CA5A: variants seen among roughly 807,000 people sequenced by gnomAD.
The protein encoded by CA5A is carbonic anhydrase 5A.
In CA5A, 28 loss-of-function variants were observed where a neutral mutation model predicts 37.1. That is an observed-to-expected ratio of 0.75 (90% CI 0.56 to 1.03). The LOEUF is 1.03. CA5A is among the 50% of genes least tolerant of loss of function. The probability of loss-of-function intolerance (pLI) is 0.00; values close to 1 mark genes in which losing one functional copy is unlikely to be tolerated. For missense variants in CA5A, 444 were observed against 399.9 expected, an observed-to-expected ratio of 1.11 and a Z score of -0.94; for synonymous variants, 171 against 158.4, an observed-to-expected ratio of 1.08 and a Z score of -0.60.
In CA5A at chr16:87,902,436, C is replaced by G. The variant is rs149854962; in HGVS notation, c.544G>C (p.Val182Leu). Residue 182 changes from valine (V) to leucine (L), a missense_variant, in exon 4 of 7, where the codon GTG becomes CTG. Physicochemically the swap from Val to Leu is conservative, Grantham distance 32. Coordinates refer to ENST00000649794, the MANE Select transcript of CA5A (RefSeq NM_001739.2). ...GAGCAAGTGATTACCTTTAAAAACA[C>G]GCCTATCACAGCCAAACCATTCTCT... is the stretch of plus-strand genomic sequence containing the variant. ...VGENGLAVIGVFLKLGAHHQT... is the reference protein window; with the variant it reads ...VGENGLAVIGLFLKLGAHHQT... The G allele has an allele frequency of 1.2e-6, 2 of 1,606,678 alleles. No homozygotes were observed. The highest frequency in any genetic ancestry group is 1.3e-5 in the African/African-American group (1 of 74,756).
At chr16:87,927,465 G>A (rs192347265) in intron 1 of CA5A, among the ~76,000 whole-genome samples, 347 of 152,360 alleles carry the variant, frequency 2.3e-3, no homozygotes, top group South Asian at 6.4e-3. Flanking sequence ...TGAGACCCCA[G>A]TGTGGAGAAA....
At chr16:87,929,680 G>T (rs529203717) in intron 1 of CA5A, among the ~76,000 whole-genome samples, 2 of 151,466 alleles carry the variant, frequency 1.3e-5, no homozygotes, top group East Asian at 3.9e-4. Flanking sequence ...AGACCATCCT[G>T]GCTAACACCG....
At chr16:87,927,298 C>T (rs1040798719) in intron 1 of CA5A, among the ~76,000 whole-genome samples, 4 of 152,016 alleles carry the variant, frequency 2.6e-5, no homozygotes, top group Non-Finnish European at 4.4e-5. Context: ...TGGAGGAGGG[C>T]GCTGTGGGGA....
At chr16:87,899,690 T>C (rs1233184690) in intron 5 of CA5A, among the ~76,000 whole-genome samples, 11 of 149,476 alleles carry the variant, frequency 7.4e-5, no homozygotes, top group Admixed American at 3.3e-4. Flanking sequence ...GAGGCCAAGG[T>C]GGGCAGATCA....
At chr16:87,903,812 AGTG>A (rs2055916575) in intron 3 of CA5A, among the ~76,000 whole-genome samples, 1 of 152,228 alleles carries the variant, frequency 6.6e-6, no homozygotes, top group Non-Finnish European at 1.5e-5. Flanking sequence ...GGTGTGATAA[AGTG>A]AATATGGCAA....
In CA5A at chr16:87,914,447, C is replaced by T. The variant is rs571326447; in HGVS notation, c.341-9543G>A. On this transcript the variant is annotated intron_variant, in intron 2 of 6. Transcript: ENST00000649794. ...CACGCGGCGGGTGCAGATGCGGACC[C>T]CCAGCCCCACGAGCTTGCAGTGCCG... is the stretch of plus-strand genomic sequence containing the variant. 5.9e-5 allele frequency among the ~76,000 whole-genome samples: 9 copies of T among 152,336 alleles called. No individual in the cohort carries two copies. The South Asian group carries it at 1.9e-3, about 32-fold the overall frequency.
At chr16:87,915,856 T>C (rs1022815006) in intron 2 of CA5A, among the ~76,000 whole-genome samples, 1 of 151,972 alleles carries the variant, frequency 6.6e-6, no homozygotes, top group Non-Finnish European at 1.5e-5. Flanking sequence ...TAACATTTAA[T>C]AAGAAACAAC....
chr16:87,891,143 GA>G (rs113142837), intron 6 of CA5A, among the ~76,000 whole-genome samples: 42,050 of 142,570 alleles, frequency 0.29, 6,127 homozygotes, highest in Middle Eastern at 0.38. Context: ...ATTAATTTTC[GA>G]AAAAAAAAAA....
At chr16:87,928,434 A>G (rs1164852325) in intron 1 of CA5A, among the ~76,000 whole-genome samples, 1 of 152,190 alleles carries the variant, frequency 6.6e-6, no homozygotes, top group Non-Finnish European at 1.5e-5. Context: ...TGAGGCAGGC[A>G]TCTCCCAAAG....
chr16:87,923,078 C>T (rs979554060), intron 2 of CA5A, among the ~76,000 whole-genome samples: 9 of 152,264 alleles, frequency 5.9e-5, no homozygotes, highest in African/African-American at 1.7e-4. Flanking sequence ...AGGTCACTCA[C>T]CCTTGGCAGT....
At chr16:87,917,028 C>T (rs1170978801) in intron 2 of CA5A, among the ~76,000 whole-genome samples, 29 of 151,038 alleles carry the variant, frequency 1.9e-4, no homozygotes, top group Non-Finnish European at 1.5e-5. Flanking sequence ...TGGTGTGAAC[C>T]CGGGAGGCGG....
At chr16:87,923,152 G>T (rs1038123543) in intron 2 of CA5A, among the ~76,000 whole-genome samples, 1 of 152,158 alleles carries the variant, frequency 6.6e-6, no homozygotes, top group African/African-American at 2.4e-5. Context: ...ACTCTCTCTA[G>T]TGGCTTCTGT....
chr16:87,891,871 G>A lies in CA5A; in HGVS notation c.702C>T (p.Leu234=). Residue 234 remains leucine, a synonymous_variant, in exon 6 of 7, where the codon CTC becomes CTT. Coordinates refer to ENST00000649794, the MANE Select transcript of CA5A (RefSeq NM_001739.2). ...CWDYWTYAGS[L]TTPPLTESVT... ...CCGACTCGGTCAGCGGCGGGGTGGT[G>A]AGCGAGCCCGCGTAGGTCCAGTAAT... is the stretch of plus-strand genomic sequence containing the variant. The A allele has an allele frequency of 2.5e-6, 4 of 1,575,518 alleles. No homozygotes were observed. The highest frequency in any genetic ancestry group is 3.4e-6 in the Non-Finnish European group (4 of 1,162,702).
intron 6 of CA5A, among the ~76,000 whole-genome samples, chr16:87,889,722 G>T (rs2055686322): frequency 6.6e-6 from 1 of 151,838 alleles, no homozygotes; most frequent in Non-Finnish European, 1.5e-5. Context: ...TGGTGAGCGA[G>T]ATCACGCCAT....
chr16:87,931,598 T>C (rs1342276067), intron 1 of CA5A, among the ~76,000 whole-genome samples: 1 of 152,202 alleles, frequency 6.6e-6, no homozygotes, highest in East Asian at 1.9e-4. Context: ...GCAGCTTTGC[T>C]GAGAAGATAA....
intron 6 of CA5A, among the ~76,000 whole-genome samples, chr16:87,889,050 G>A (rs1184268297): frequency 6.6e-6 from 1 of 151,990 alleles, no homozygotes. Flanking sequence ...CTCCTGAGTA[G>A]CTGGGCTTAC....
chr16:87,934,053 C>T (rs1367381706), intron 1 of CA5A, among the ~76,000 whole-genome samples: 12 of 152,360 alleles, frequency 7.9e-5, no homozygotes, highest in Admixed American at 3.9e-4. Flanking sequence ...ACCTGCTGCC[C>T]ACTGACAGGG....
In CA5A at chr16:87,903,993, T is replaced by C. The variant is rs536100862; in HGVS notation, c.459+793A>G. Reference sequence around the variant, plus strand: ...CAAAAACCAATTCCCAACATTGATATGCACTGATTTTCTCTACTGACTCCC... The same window carrying C: ...CAAAAACCAATTCCCAACATTGATACGCACTGATTTTCTCTACTGACTCCC... On this transcript the variant is annotated intron_variant, in intron 3 of 6. Coordinates refer to ENST00000649794, the MANE Select transcript of CA5A (RefSeq NM_001739.2). Among the ~76,000 whole-genome samples the C allele has an allele frequency of 2.0e-5, 3 of 152,314 alleles. No homozygotes were observed. In the South Asian group the frequency reaches 6.2e-4, roughly 32 times the overall value.
At chr16:87,896,967 A>C (rs1460769357) in intron 5 of CA5A, among the ~76,000 whole-genome samples, 2 of 152,072 alleles carry the variant, frequency 1.3e-5, no homozygotes, top group Non-Finnish European at 2.9e-5. Flanking sequence ...CTTAAACAGG[A>C]CCCCACATTT....
Sources: gnomAD v4.1 joint callset for allele counts (sites outside exome capture counted in the v4.1 genomes callset) on GRCh38, gnomAD v4.1.1 for gene constraint, MANE v1.5 for transcripts, NCBI Gene and HGNC (gene_info 2026-07-23, HGNC 2026-07-21) for gene names.